Variants in RASGRF2 observed in about 807,000 individuals in gnomAD.
RASGRF2 encodes the protein ras-specific guanine nucleotide-releasing factor 2.
RASGRF2 carries 76 observed loss-of-function variants against 151.0 expected under a neutral mutation model. The ratio of observed to expected loss-of-function variants is 0.50; its 90% CI spans 0.42 to 0.61. The LOEUF (loss-of-function observed/expected upper bound fraction) is 0.61, where lower values mean the gene tolerates loss of function less well. Among genes scored for constraint, RASGRF2 ranks in the 20% least tolerant of loss-of-function variants. RASGRF2 has a pLI of 0.00. For missense variants in RASGRF2, 1,148 were observed against 1,564.6 expected (o/e 0.73, Z 4.49); for synonymous variants, 504 against 566.5 (o/e 0.89, Z 1.57).
chr5:81,072,386 C>G (rs937044654), intron 4 of RASGRF2, among the ~76,000 whole-genome samples: 4 of 151,992 alleles, frequency 2.6e-5, no homozygotes, highest in Non-Finnish European at 5.9e-5. Flanking sequence ...AAAGAAGGGT[C>G]GTTGTTTAAT....
chr5:81,080,852 C>A, intron 7 of RASGRF2, 63 bp downstream of exon 7: 3 of 1,417,846 alleles, frequency 2.1e-6, no homozygotes, highest in East Asian at 2.3e-5. Flanking sequence ...TGATACCTAG[C>A]GTGACCAGCG....
chr5:81,194,249 G>C (rs933285687), intron 18 of RASGRF2, among the ~76,000 whole-genome samples: 12 of 151,446 alleles, frequency 7.9e-5, no homozygotes, highest in Non-Finnish European at 1.5e-4. Flanking sequence ...CCAGCTACTT[G>C]GGAGGCCGAG....
At chr5:81,101,905 A>G (rs1752708276) in intron 12 of RASGRF2, among the ~76,000 whole-genome samples, 1 of 152,208 alleles carries the variant, frequency 6.6e-6, no homozygotes, top group South Asian at 2.1e-4. Context: ...GGATAATGAG[A>G]TGTGCAGAAA....
Position 81,206,861 on chromosome 5 carries a change from G to T in RASGRF2, c.2923G>T (p.Asp975Tyr). The change falls in exon 20 of 27, where the codon GAC becomes TAC. Residue 975 changes from aspartate to tyrosine, a missense_variant. Coordinates refer to ENST00000265080, the MANE Select transcript of RASGRF2 (RefSeq NM_006909.3). ...ANILRALSQD[D>Y]QDDIHLKLED... ...CTTTTTCAGGGCCCTTTCACAAGAT[G>T]ACCAAGATGACATCCACCTAAAATT... 6.2e-7 allele frequency: 1 copy of T among 1,610,726 alleles called. No homozygotes were observed. Among genetic ancestry groups the T allele is most frequent in the Non-Finnish European group, 8.5e-7 (1 of 1,176,898 alleles).
At chr5:81,078,024 C>G (rs1751986730) in intron 5 of RASGRF2, among the ~76,000 whole-genome samples, 1 of 152,064 alleles carries the variant, frequency 6.6e-6, no homozygotes, top group Non-Finnish European at 1.5e-5. Context: ...CACATCTAGA[C>G]TTAGATGGAG....
intron 18 of RASGRF2, among the ~76,000 whole-genome samples, chr5:81,197,458 G>A (rs1301781336): frequency 2.1e-5 from 1 of 47,502 alleles, no homozygotes; most frequent in African/African-American, 9.4e-5. Flanking sequence ...GCGAGACTCC[G>A]TCTCAAAAAA....
chr5:81,125,828 A>G (rs1434486839), intron 16 of RASGRF2, among the ~76,000 whole-genome samples: 1 of 152,264 alleles, frequency 6.6e-6, no homozygotes, highest in Non-Finnish European at 1.5e-5. Flanking sequence ...TAACTAAATC[A>G]TAGAGACATA....
intron 1 of RASGRF2, among the ~76,000 whole-genome samples, chr5:81,033,855 A>C (rs548484033): frequency 6.6e-6 from 1 of 152,248 alleles, no homozygotes; most frequent in Admixed American, 6.5e-5. Flanking sequence ...ATCAGAGCGA[A>C]CAGGCAACCT....
chr5:80,960,652 G>A lies in RASGRF2; in HGVS notation c.-87G>A. On this transcript the variant is annotated 5_prime_UTR_variant, in exon 1 of 27. Coordinates refer to ENST00000265080, the MANE Select transcript of RASGRF2 (RefSeq NM_006909.3). This position sits in a 1 kb window ranked among gnomAD's most constrained non-coding sequence, Gnocchi z 5.5. ...CCCTTCGCCGGCCGGGACCTGAGCG[G>A]TCGCGCCCTCGAGGGAGCCAGCTGG... 8.1e-7 allele frequency: 1 copy of A among 1,227,848 alleles called. No homozygotes were observed. The highest frequency in any genetic ancestry group is 1.0e-6 in the Non-Finnish European group (1 of 959,164). The allele number at this position is 1,227,848 out of a possible 1,614,324, so 76.1% of individuals were successfully genotyped here.
chr5:80,995,744 G>C (rs1324031272), intron 1 of RASGRF2, among the ~76,000 whole-genome samples: 1 of 135,006 alleles, frequency 7.4e-6, no homozygotes, highest in African/African-American at 2.8e-5. Context: ...CCAGGCTGGA[G>C]TGCAGTGGGG....
chr5:81,188,703 A>AG (rs1168703846), intron 18 of RASGRF2, among the ~76,000 whole-genome samples: 1 of 152,158 alleles, frequency 6.6e-6, no homozygotes, highest in Non-Finnish European at 1.5e-5. Flanking sequence ...CGTTTGAGGG[A>AG]GAGGAGGTCG....
chr5:81,207,914 G>A (rs963424860), intron 21 of RASGRF2, among the ~76,000 whole-genome samples: 4 of 152,240 alleles, frequency 2.6e-5, no homozygotes, highest in African/African-American at 9.6e-5. Context: ...GCGCAGAGTG[G>A]AGGGAGAAAA....
Position 81,212,412 on chromosome 5 carries a change from G to A in RASGRF2, c.3203G>A (p.Ser1068Asn). The change falls in exon 23 of 27, where the codon AGC (serine) becomes AAC (asparagine). Residue 1068 changes from serine to asparagine, a missense_variant. Around this residue, in one of 5 missense-constraint regions of RASGRF2, gnomAD observed 646 missense variants for 807.4 expected, o/e 0.80. Coordinates refer to ENST00000265080, the MANE Select transcript of RASGRF2 (RefSeq NM_006909.3). ...CAGATAATGAACTATGCTGATGTCA[G>A]CTCCCGTGCCAACGCCATCGAGAAA... ...ASQIMNYADV[S>N]SRANAIEKWV... The A allele has an allele frequency of 6.2e-7, 1 of 1,613,896 alleles. No individual in the cohort carries two copies. The highest frequency in any genetic ancestry group is 8.5e-7 in the Non-Finnish European group (1 of 1,179,848).
intron 5 of RASGRF2, among the ~76,000 whole-genome samples, chr5:81,073,958 A>G (rs1751862107): frequency 6.6e-6 from 1 of 152,082 alleles, no homozygotes; most frequent in Non-Finnish European, 1.5e-5. Context: ...CTTGGCATCT[A>G]ATGTTCTTAA....
In RASGRF2 at chr5:81,013,830, G is replaced by A. The variant is rs181050233; in HGVS notation, c.289-29047G>A. Reference sequence around the variant, plus strand: ...AGTGTTCTCTTACCAGTGTTGTATCGGTGTTCCCATTTCCCCATGTTCAAT... The same window carrying A: ...AGTGTTCTCTTACCAGTGTTGTATCAGTGTTCCCATTTCCCCATGTTCAAT... On this transcript the variant is annotated intron_variant, in intron 1 of 26. Coordinates refer to ENST00000265080, the MANE Select transcript of RASGRF2 (RefSeq NM_006909.3). Among the ~76,000 whole-genome samples the A allele has an allele frequency of 3.8e-4, 57 of 151,974 alleles. No individual in the cohort carries two copies. The Middle Eastern group carries it at 0.01, about 27-fold the overall frequency.
At chr5:81,101,365 A>G (rs985735271) in intron 12 of RASGRF2, among the ~76,000 whole-genome samples, 1 of 151,706 alleles carries the variant, frequency 6.6e-6, no homozygotes, top group African/African-American at 2.4e-5. Context: ...TTTTTTTTTT[A>G]GAACAGAACT....
At chr5:80,984,392 T>C (rs1748412543) in intron 1 of RASGRF2, among the ~76,000 whole-genome samples, 3 of 152,206 alleles carry the variant, frequency 2.0e-5, no homozygotes, top group South Asian at 4.1e-4. Context: ...ACATGACTGA[T>C]CCCCAACATG....
chr5:81,179,484 TA>T (rs1384338743), intron 17 of RASGRF2, among the ~76,000 whole-genome samples: 2 of 152,332 alleles, frequency 1.3e-5, no homozygotes, highest in East Asian at 3.9e-4. Context: ...GGGGTTTTTG[TA>T]AATTTCCTTT....
intron 1 of RASGRF2, among the ~76,000 whole-genome samples, chr5:81,036,308 C>T (rs1750491153): frequency 6.6e-6 from 1 of 151,906 alleles, no homozygotes; most frequent in African/African-American, 2.4e-5. Context: ...ATCTTCTTAC[C>T]TTCTGCCTCC....
Sources: allele counts gnomAD v4.1 joint callset (sites outside exome capture counted in the v4.1 genomes callset), GRCh38; gene constraint gnomAD v4.1.1; regional missense constraint gnomAD v4.1.1; non-coding constraint Gnocchi (gnomAD v3.1); transcripts MANE v1.5; gene names NCBI Gene and HGNC (gene_info 2026-07-23, HGNC 2026-07-21).